The following ATF7 variants were observed in gnomAD, a reference collection of about 807,000 sequenced individuals.
The protein encoded by ATF7 is cyclic AMP-dependent transcription factor ATF-7.
In ATF7, 10 loss-of-function variants were observed where a neutral mutation model predicts 50.4. The observed-to-expected ratio is 0.20, with a 90% CI of 0.12 to 0.34. The LOEUF is 0.34. ATF7 is among the 10% of genes least tolerant of loss of function. The pLI, the probability that ATF7 is intolerant of heterozygous loss-of-function variation, is 1.00. For missense variants in ATF7, 465 were observed against 613.9 expected, an observed-to-expected ratio of 0.76 and a Z score of 2.56; for synonymous variants, 201 against 226.4, an observed-to-expected ratio of 0.89 and a Z score of 1.01.
At chr12:53,577,359 C>A (rs1942130192) in intron 2 of ATF7, among the ~76,000 whole-genome samples, 1 of 151,810 alleles carries the variant, frequency 6.6e-6, no homozygotes, top group Non-Finnish European at 1.5e-5. Context: ...ATAACAACAA[C>A]AAAATATCCA....
intron 4 of ATF7, among the ~76,000 whole-genome samples, chr12:53,537,789 T>A (rs1423740384): frequency 2.0e-5 from 3 of 152,160 alleles, no homozygotes; most frequent in Non-Finnish European, 1.5e-5. Flanking sequence ...CTCGTCTCAC[T>A]GCAACTTCCA....
intron 1 of ATF7, among the ~76,000 whole-genome samples, chr12:53,619,473 C>T (rs1333264637): frequency 2.4e-5 from 3 of 124,862 alleles, no homozygotes; most frequent in Non-Finnish European, 4.8e-5. Flanking sequence ...GGAGACAGAG[C>T]GAGACTCCGT....
At chr12:53,534,447 C>A (rs899463098) in intron 6 of ATF7, 55 bp downstream of exon 6, 8 of 1,603,126 alleles carry the variant, frequency 5.0e-6, no homozygotes, top group Non-Finnish European at 6.0e-6. Context: ...CAAATAGTTT[C>A]ATGTAATGGA....
At chr12:53,614,669 A>G (rs1389713298) in intron 1 of ATF7, among the ~76,000 whole-genome samples, 1 of 152,222 alleles carries the variant, frequency 6.6e-6, no homozygotes, top group Non-Finnish European at 1.5e-5. Context: ...CATATTTTCA[A>G]CAGTGATCTA....
intron 1 of ATF7, among the ~76,000 whole-genome samples, chr12:53,605,018 T>G (rs550730775): frequency 3.3e-5 from 5 of 152,306 alleles, no homozygotes; most frequent in Admixed American, 1.3e-4. Context: ...TTAGACGCTA[T>G]GTATATGGTC....
chr12:53,621,377 A>G (rs1026938778), intron 1 of ATF7, among the ~76,000 whole-genome samples: 1 of 152,226 alleles, frequency 6.6e-6, no homozygotes, highest in East Asian at 1.9e-4. Flanking sequence ...AAATTTATCA[A>G]TAATACAAAC....
chr12:53,523,194 T>C, intron 11 of ATF7, 82 bp downstream of exon 11: 1 of 1,043,242 alleles, frequency 9.6e-7, no homozygotes, highest in Non-Finnish European at 1.5e-6. Flanking sequence ...CAGAATGGAG[T>C]TATAAAATTA....
intron 2 of ATF7, among the ~76,000 whole-genome samples, chr12:53,554,598 G>A (rs1592856993): frequency 6.6e-6 from 1 of 151,300 alleles, no homozygotes; most frequent in South Asian, 2.1e-4. Context: ...TGCGGTGGCT[G>A]ATGCCTGTAA....
intron 2 of ATF7, among the ~76,000 whole-genome samples, chr12:53,572,895 T>C (rs1341650699): frequency 6.6e-6 from 1 of 151,958 alleles, no homozygotes; most frequent in East Asian, 1.9e-4. Flanking sequence ...AAGCAATTCT[T>C]GTGCCTCAGC....
chr12:53,518,986 A>G (rs1347881103), intron 11 of ATF7, among the ~76,000 whole-genome samples: 2 of 151,302 alleles, frequency 1.3e-5, no homozygotes, highest in Non-Finnish European at 3.0e-5. Flanking sequence ...CCCGGGAGGC[A>G]GAGCTTGCAG....
At chr12:53,569,073 G>A (rs1278174966) in intron 2 of ATF7, among the ~76,000 whole-genome samples, 1 of 152,152 alleles carries the variant, frequency 6.6e-6, no homozygotes, top group Non-Finnish European at 1.5e-5. Context: ...AAGAGAGAGA[G>A]AGAAAGGAGG....
intron 1 of ATF7, among the ~76,000 whole-genome samples, chr12:53,611,347 G>A (rs765331308): frequency 5.3e-5 from 8 of 151,892 alleles, no homozygotes; most frequent in East Asian, 3.9e-4. Context: ...CACGTGCTCC[G>A]GAGGCTGAGG....
At chr12:53,606,158 C>T (rs775861904) in intron 1 of ATF7, among the ~76,000 whole-genome samples, 3 of 151,724 alleles carry the variant, frequency 2.0e-5, no homozygotes, top group Non-Finnish European at 4.4e-5. Context: ...CTAATCAAAC[C>T]TTAAAAACAA....
intron 2 of ATF7, among the ~76,000 whole-genome samples, chr12:53,588,626 A>G (rs1360856566): frequency 6.6e-6 from 1 of 152,230 alleles, no homozygotes; most frequent in Non-Finnish European, 1.5e-5. Context: ...AGAAGAAAAT[A>G]TGGATCAGGA....
intron 11 of ATF7, among the ~76,000 whole-genome samples, chr12:53,518,981 G>C (rs1328562394): frequency 1.3e-5 from 2 of 151,280 alleles, no homozygotes; most frequent in Admixed American, 1.3e-4. Flanking sequence ...GTGAACCCGG[G>C]AGGCAGAGCT....
chr12:53,607,638 G>A (rs370650436), intron 1 of ATF7, among the ~76,000 whole-genome samples: 27 of 151,896 alleles, frequency 1.8e-4, no homozygotes, highest in South Asian at 6.2e-4. Context: ...AGAAAATGCC[G>A]TATGTTAAAT....
rs188190853 is a variant in ATF7, at chr12:53,535,576, G to A, written c.403-917C>T. ...CTAGGTGCTGGTTATACAGACTACT[G>A]ACTTCGTGAAAATTCAGTAAGTGAT... On this transcript the variant is annotated intron_variant, in intron 5 of 11. Coordinates refer to ENST00000420353, the MANE Select transcript of ATF7 (RefSeq NM_006856.3). 3.9e-5 allele frequency among the ~76,000 whole-genome samples: 6 copies of A among 152,132 alleles called. No homozygotes were observed. In the East Asian group the frequency reaches 1.2e-3, roughly 29 times the overall value.
intron 11 of ATF7, among the ~76,000 whole-genome samples, chr12:53,522,165 C>T (rs1396348124): frequency 1.3e-5 from 2 of 152,322 alleles, no homozygotes; most frequent in East Asian, 1.9e-4. Flanking sequence ...CAAACTGAAA[C>T]CAACGTCAGC....
intron 4 of ATF7, among the ~76,000 whole-genome samples, chr12:53,542,113 T>TTTTTTTTTTG (rs1555218050): frequency 6.8e-6 from 1 of 146,206 alleles, no homozygotes; most frequent in African/African-American, 2.5e-5. Flanking sequence ...GCCTGTTTTT[T>TTTTTTTTTTG]TTTTTTTTTT....
Sources: allele counts gnomAD v4.1 joint callset (sites outside exome capture counted in the v4.1 genomes callset), GRCh38; gene constraint gnomAD v4.1.1; transcripts MANE v1.5; gene names NCBI Gene and HGNC (gene_info 2026-07-23, HGNC 2026-07-21).